Variants in GDPD5 observed in about 807,000 individuals in gnomAD.
GDPD5 encodes the protein glycerophosphodiester phosphodiesterase domain containing 5.
A neutral mutation model predicts 75.1 loss-of-function variants in GDPD5; 48 were observed. The ratio of observed to expected loss-of-function variants is 0.64; its 90% confidence interval spans 0.51 to 0.81. GDPD5 has a LOEUF of 0.81. Among genes scored for constraint, GDPD5 ranks in the 40% least tolerant of loss-of-function variants. The pLI is 0.00. For synonymous variants in GDPD5, 336 were observed against 339.0 expected, an observed-to-expected ratio of 0.99 and a Z score of 0.10; for missense variants, 706 against 822.6, an observed-to-expected ratio of 0.86 and a Z score of 1.73.
chr11:75,466,723 T>C (rs557448306), intron 3 of GDPD5, among the ~76,000 whole-genome samples: 1 of 152,272 alleles, frequency 6.6e-6, no homozygotes, highest in South Asian at 2.1e-4. Flanking sequence ...ATGGTGACCA[T>C]CAATGTGCAT....
intron 1 of GDPD5, among the ~76,000 whole-genome samples, chr11:75,520,888 A>T (rs956524336): frequency 6.6e-6 from 1 of 152,176 alleles, no homozygotes; most frequent in African/African-American, 2.4e-5. Context: ...TCCCAATCAC[A>T]GGGTCTCCTC....
chr11:75,522,189 G>A (rs1431759790), intron 1 of GDPD5, among the ~76,000 whole-genome samples: 1 of 152,198 alleles, frequency 6.6e-6, no homozygotes, highest in Admixed American at 6.5e-5. Flanking sequence ...AGTGCCGTGT[G>A]TTTCACACAT....
In GDPD5 at chr11:75,503,365, T is replaced by C. The variant is rs549036120; in HGVS notation, c.-144-13045A>G. On this transcript the variant is annotated intron_variant, in intron 1 of 16. Transcript: ENST00000336898. ...GTCACTAAATTTTGGGGTCATTTGT[T>C]ACGTGACAACAGTAACTGGAACAAA... Among the ~76,000 whole-genome samples the C allele has an allele frequency of 1.3e-4, 20 of 152,354 alleles. No individual in the cohort carries two copies. In the South Asian group the frequency reaches 4.1e-3, roughly 32 times the overall value.
Position 75,441,633 on chromosome 11 carries a change from G to T in GDPD5, c.1325+13C>A. The T allele has an allele frequency of 3.2e-6, 5 of 1,553,688 alleles. No homozygotes were observed. Among genetic ancestry groups the T allele is most frequent in the Non-Finnish European group, 4.3e-6 (5 of 1,151,284 alleles). On this transcript the variant is annotated intron_variant, in intron 13 of 16. Transcript: ENST00000336898. ...CCACCCTCTCCTGGAGGAGCCCAGG[G>T]CAGGGCAGGCACCTGAGCTCCTGGC...
intron 1 of GDPD5, among the ~76,000 whole-genome samples, chr11:75,509,702 T>C (rs1325877918): frequency 6.6e-6 from 1 of 152,168 alleles, no homozygotes; most frequent in Non-Finnish European, 1.5e-5. Flanking sequence ...TTTTTTGAGA[T>C]GGAGTCTTGC....
chr11:75,464,765 C>T (rs1392468342), intron 3 of GDPD5, among the ~76,000 whole-genome samples: 2 of 152,158 alleles, frequency 1.3e-5, no homozygotes, highest in African/African-American at 4.8e-5. Flanking sequence ...GCACAAGCTC[C>T]AGTTCCAGGC....
At chr11:75,447,596 C>A (rs1949019363) in intron 9 of GDPD5, among the ~76,000 whole-genome samples, 1 of 152,232 alleles carries the variant, frequency 6.6e-6, no homozygotes, top group African/African-American at 2.4e-5. Flanking sequence ...CTTTTCTCCA[C>A]TTCTGCATAT....
chr11:75,475,586 G>A (rs1242066131), intron 3 of GDPD5, among the ~76,000 whole-genome samples: 3 of 152,164 alleles, frequency 2.0e-5, no homozygotes, highest in Non-Finnish European at 4.4e-5. Flanking sequence ...GAAAGGATGA[G>A]GGGCAGAGGC....
Position 75,441,191 on chromosome 11 carries a change from G to T in GDPD5, c.1445C>A (p.Ser482Tyr). 6.2e-7 allele frequency: 1 copy of T among 1,613,998 alleles called. No individual in the cohort carries two copies. Among genetic ancestry groups the T allele is most frequent in the Non-Finnish European group, 8.5e-7 (1 of 1,179,996 alleles). ...GATCCAGAGGGGGGAAGGCACCTGG[G>T]ACAGGGCGTGGGAGTTGTCAGAGGT... The part of the protein sequence containing the change: ...SVTSDNSHAL[S>Y]QVPSPLWIMP... Residue 482 changes from serine to tyrosine, a missense_variant, in exon 14 of 17, where the codon TCC (serine) becomes TAC (tyrosine). Ser to Tyr is a moderately radical substitution (Grantham distance 144). Transcript: ENST00000336898.
At chr11:75,479,422 G>A (rs1476368048) in intron 2 of GDPD5, 1 of 152,146 alleles carries the variant, frequency 6.6e-6, no homozygotes, top group Non-Finnish European at 1.5e-5. Flanking sequence ...GGCCCTGAGA[G>A]GGCCAAAGAG....
At chr11:75,520,354 C>T (rs141497601) in intron 1 of GDPD5, among the ~76,000 whole-genome samples, 2 of 152,328 alleles carry the variant, frequency 1.3e-5, no homozygotes, top group East Asian at 3.9e-4. Context: ...TATTATCAGC[C>T]CCAATGTACA....
At position 75,442,434 on chromosome 11, in the gene GDPD5, G is replaced by A. The variant is rs1948846136; in HGVS notation, c.1096C>T (p.His366Tyr). The A allele has an allele frequency of 1.2e-6, 2 of 1,610,776 alleles. No homozygotes were observed. ...TTGATAAAACTGCTGCGGTAGGGGT[G>A]CTCCCGGGGCGGGTCACGCAGGTTG... ...LLNLRDPPRE[H>Y]PYRSSFINVT... The change falls in exon 12 of 17, where the codon CAC becomes TAC. Residue 366 changes from histidine to tyrosine, a missense_variant. Physicochemically the swap from His to Tyr is moderately conservative, Grantham distance 83. Transcript: ENST00000336898.
At chr11:75,448,800 C>T (rs532782646) in intron 9 of GDPD5, among the ~76,000 whole-genome samples, 177 bp downstream of exon 9, 4 of 152,328 alleles carry the variant, frequency 2.6e-5, no homozygotes, top group South Asian at 2.1e-4. Context: ...GCCTTCAGGA[C>T]GCTTCAAGAT....
chr11:75,494,216 T>G (rs1169579792), intron 1 of GDPD5, among the ~76,000 whole-genome samples: 1 of 77,632 alleles, frequency 1.3e-5, no homozygotes, highest in East Asian at 6.4e-4. Flanking sequence ...ACTTTTTTTT[T>G]TTTTTTTTTT....
intron 14 of GDPD5, among the ~76,000 whole-genome samples, chr11:75,440,739 A>AT (rs1230356060): frequency 2.6e-4 from 39 of 151,086 alleles, no homozygotes; most frequent in East Asian, 1.4e-3. Flanking sequence ...AATTATTATT[A>AT]TTTTTTTTTG....
intron 1 of GDPD5, among the ~76,000 whole-genome samples, chr11:75,505,804 A>G (rs1950384665): frequency 6.6e-6 from 1 of 152,210 alleles, no homozygotes; most frequent in Non-Finnish European, 1.5e-5. Context: ...CCCTCAGTCC[A>G]GAACCGTTTC....
At chr11:75,491,733 C>A (rs776736253) in intron 1 of GDPD5, among the ~76,000 whole-genome samples, 10 of 152,208 alleles carry the variant, frequency 6.6e-5, no homozygotes, top group Non-Finnish European at 1.5e-4. Context: ...ATAAAACCTA[C>A]CCCATAGGGT....
intron 2 of GDPD5, among the ~76,000 whole-genome samples, chr11:75,482,666 C>A (rs978180709): frequency 6.6e-6 from 1 of 152,196 alleles, no homozygotes; most frequent in African/African-American, 2.4e-5. Flanking sequence ...AGGCAGTGAC[C>A]GGGATCTGAC....
intron 1 of GDPD5, among the ~76,000 whole-genome samples, chr11:75,504,893 C>T (rs987814139): frequency 6.6e-6 from 1 of 152,012 alleles, no homozygotes; most frequent in Non-Finnish European, 1.5e-5. Flanking sequence ...TTTGGGAGGC[C>T]GAGGCAGGCG....
Sources: gnomAD v4.1 joint callset for allele counts (sites outside exome capture counted in the v4.1 genomes callset) on GRCh38, gnomAD v4.1.1 for gene constraint, MANE v1.5 for transcripts, NCBI Gene and HGNC (gene_info 2026-07-23, HGNC 2026-07-21) for gene names.